KCNN2: variants seen among roughly 807,000 people sequenced by gnomAD.
The protein encoded by KCNN2 is potassium calcium-activated channel subfamily N member 2.
A neutral mutation model predicts 55.5 loss-of-function variants in KCNN2; 24 were observed. The ratio of observed to expected loss-of-function variants is 0.43; its 90% CI spans 0.31 to 0.61. The LOEUF is 0.61. Among genes scored for constraint, KCNN2 ranks in the 20% least tolerant of loss-of-function variants. The pLI is 0.08. For missense variants in KCNN2, 754 were observed against 853.6 expected (o/e 0.88, Z 1.45); for synonymous variants, 431 against 336.1 (o/e 1.28, Z -3.09).
At chr5:114,398,068 A>G (rs1042002019) in intron 2 of KCNN2, among the ~76,000 whole-genome samples, 7 of 152,014 alleles carry the variant, frequency 4.6e-5, no homozygotes, top group Non-Finnish European at 8.8e-5. Context: ...TTTTGTTGCA[A>G]TTGCTTTTGG....
At chr5:114,154,678 A>C (rs1302518365) in intron 1 of KCNN2, among the ~76,000 whole-genome samples, 1 of 152,170 alleles carries the variant, frequency 6.6e-6, no homozygotes, top group Non-Finnish European at 1.5e-5. Flanking sequence ...GTTGTTAAAC[A>C]AGATGTTTCT....
chr5:114,257,380 T>TA (rs1755005504), intron 2 of KCNN2, among the ~76,000 whole-genome samples: 1 of 152,016 alleles, frequency 6.6e-6, no homozygotes, highest in Non-Finnish European at 1.5e-5. Context: ...ATTTTTTTTT[T>TA]ATTCTGTGAA....
At chr5:114,306,912 C>T (rs1756290121) in intron 2 of KCNN2, among the ~76,000 whole-genome samples, 1 of 151,958 alleles carries the variant, frequency 6.6e-6, no homozygotes, top group South Asian at 2.1e-4. Flanking sequence ...CCATGTTAGC[C>T]AGGCTGGTCT....
intron 7 of KCNN2, 22 bp downstream of exon 7, chr5:114,493,494 C>A: frequency 1.3e-6 from 2 of 1,550,156 alleles, no homozygotes; most frequent in Non-Finnish European, 1.8e-6. Context: ...GTGCTTAGCC[C>A]TCCTAGTTGC....
chr5:114,121,938 G>A (rs1192388860), intron 1 of KCNN2, among the ~76,000 whole-genome samples: 2 of 152,186 alleles, frequency 1.3e-5, no homozygotes, highest in African/African-American at 4.8e-5. Context: ...AAGAAGACAA[G>A]GGATTGGAGG....
intron 2 of KCNN2, among the ~76,000 whole-genome samples, chr5:114,275,791 A>G (rs908514014): frequency 1.6e-4 from 24 of 151,904 alleles, no homozygotes; most frequent in Admixed American, 1.2e-3. Context: ...TCCTGGATTC[A>G]TTGATTTTTT....
At chr5:114,164,839 A>G (rs7720919) in intron 1 of KCNN2, among the ~76,000 whole-genome samples, 122,430 of 151,692 alleles carry the variant, frequency 0.81, 50,693 homozygotes, top group East Asian at 0.94. Flanking sequence ...TTTTATACTA[A>G]GATTTATTTG....
intron 1 of KCNN2, among the ~76,000 whole-genome samples, chr5:114,205,320 A>T (rs78316188): frequency 0.01 from 1,596 of 152,352 alleles, 32 homozygotes; most frequent in African/African-American, 0.037. Context: ...GGGCTACTTT[A>T]CAGTGGATTC....
intron 2 of KCNN2, among the ~76,000 whole-genome samples, chr5:114,287,554 C>A (rs1439440467): frequency 1.3e-5 from 2 of 148,374 alleles, no homozygotes; most frequent in African/African-American, 5.0e-5. Context: ...ACAAGGAGAA[C>A]ACATGGACAC....
rs571070279 is a variant in KCNN2, at chr5:114,162,441, C to T, written c.-270-59039C>T. ...GGGGGTGCCTCCCAGTTAGGCTACT[C>T]AGGGGTCAGGGACCCACTTGAGGAG... On this transcript the variant is annotated intron_variant, in intron 1 of 10. Coordinates refer to the KCNN2 transcript ENST00000512097. Among the ~76,000 whole-genome samples, 1,249 of 152,306 alleles carry T rather than the reference C, an allele frequency of 8.2e-3. 14 individuals carry two copies. The highest frequency in any genetic ancestry group is 0.014 in the Middle Eastern group (4 of 294).
At chr5:114,173,176 T>C (rs113704693) in intron 1 of KCNN2, among the ~76,000 whole-genome samples, 1 of 152,084 alleles carries the variant, frequency 6.6e-6, no homozygotes, top group African/African-American at 2.4e-5. Context: ...GTGCTATTTA[T>C]TGAAGAAACT....
At chr5:114,359,828 C>G (rs1757369889), upstream of KCNN2, among the ~76,000 whole-genome samples, 1 of 152,150 alleles carries the variant, frequency 6.6e-6, no homozygotes, top group Non-Finnish European at 1.5e-5. Flanking sequence ...ATGGATTTTC[C>G]GCATGAGTTG....
intron 2 of KCNN2, among the ~76,000 whole-genome samples, chr5:114,224,467 T>C (rs1010607711): frequency 7.2e-5 from 11 of 152,224 alleles, no homozygotes; most frequent in African/African-American, 2.4e-4. Flanking sequence ...CTTAAATATA[T>C]TTTTTAGATT....
Position 114,435,837 on chromosome 5 carries a change from A to G in KCNN2, c.1638-27212A>G, listed in dbSNP as rs559039874. Reference sequence around the variant, plus strand: ...AAAACAAACTTTAGTCACTGCTTCTAAAGTGAAACTATATTTTGGGTTATC... The same window carrying G: ...AAAACAAACTTTAGTCACTGCTTCTGAAGTGAAACTATATTTTGGGTTATC... On this transcript the variant is annotated intron_variant, in intron 3 of 7. Coordinates refer to ENST00000673685, the MANE Select transcript of KCNN2 (RefSeq NM_021614.4). 2.7e-3 allele frequency among the ~76,000 whole-genome samples: 418 copies of G among 152,336 alleles called. 3 individuals carry two copies. Among genetic ancestry groups the G allele is most frequent in the African/African-American group, 9.8e-3 (408 of 41,576 alleles).
At chr5:114,404,372 A>G in intron 2 of KCNN2, 66 bp from the exon 3 acceptor site, 1 of 1,314,864 alleles carries the variant, frequency 7.6e-7, no homozygotes. Context: ...TGTTTTTAAA[A>G]TCTGCACTAA....
chr5:114,425,919 C>T lies in KCNN2; in HGVS notation c.1637+21063C>T, dbSNP rs138943649. Among the ~76,000 whole-genome samples the T allele has an allele frequency of 2.6e-3, 396 of 152,142 alleles. 2 individuals carry two copies. Among genetic ancestry groups the T allele is most frequent in the Non-Finnish European group, 4.2e-3 (287 of 68,000 alleles). On this transcript the variant is annotated intron_variant, in intron 3 of 7. Coordinates refer to ENST00000673685, the MANE Select transcript of KCNN2 (RefSeq NM_021614.4). Reference sequence around the variant, plus strand: ...AAAAGGCTGGGTGCAGTGGCTCACACCTGCAATCCTAGCACTTTGTGAGGC... The same window carrying T: ...AAAAGGCTGGGTGCAGTGGCTCACATCTGCAATCCTAGCACTTTGTGAGGC...
At chr5:114,127,862 A>G (rs1397917020) in intron 1 of KCNN2, among the ~76,000 whole-genome samples, 3 of 152,230 alleles carry the variant, frequency 2.0e-5, no homozygotes, top group East Asian at 3.9e-4. Context: ...TCTTTAGGGC[A>G]GGGGCAAAAA....
chr5:114,307,468 G>T (rs921999368), intron 2 of KCNN2, among the ~76,000 whole-genome samples: 1 of 152,000 alleles, frequency 6.6e-6, no homozygotes, highest in African/African-American at 2.4e-5. Context: ...CCTTTCCTCT[G>T]ATGCTTAAAT....
intron 2 of KCNN2, among the ~76,000 whole-genome samples, chr5:114,376,291 A>G (rs904850224): frequency 1.3e-5 from 2 of 152,176 alleles, no homozygotes; most frequent in African/African-American, 4.8e-5. Flanking sequence ...CCTCAAGCCC[A>G]TGTCAGAACA....
Sources: allele counts gnomAD v4.1 joint callset (sites outside exome capture counted in the v4.1 genomes callset), GRCh38; gene constraint gnomAD v4.1.1; transcripts MANE v1.5; gene names NCBI Gene and HGNC (gene_info 2026-07-23, HGNC 2026-07-21).